Variants in GPC6 observed in about 807,000 individuals in gnomAD.
GPC6 encodes glypican-6.
Under a neutral mutation model 55.2 loss-of-function variants are expected in GPC6, and 14 were observed. The ratio of observed to expected loss-of-function variants is 0.25; its 90% confidence interval spans 0.17 to 0.40. The LOEUF (loss-of-function observed/expected upper bound fraction) is 0.40. GPC6 is among the 10% of genes least tolerant of loss of function. The pLI is 1.00. For synonymous variants in GPC6, 278 were observed against 259.6 expected (o/e 1.07, Z -0.68); for missense variants, 641 against 708.5 (o/e 0.90, Z 1.08).
intron 3 of GPC6, among the ~76,000 whole-genome samples, chr13:93,924,633 C>G: frequency 6.6e-6 from 1 of 150,500 alleles, no homozygotes; most frequent in Non-Finnish European, 1.5e-5. Context: ...TAAATACCTT[C>G]TTTGACTTCG....
intron 2 of GPC6, among the ~76,000 whole-genome samples, chr13:93,804,770 A>C (rs978006721): frequency 6.6e-6 from 1 of 152,126 alleles, no homozygotes; most frequent in Admixed American, 6.6e-5. Flanking sequence ...CTAGTTTCCT[A>C]CTATGCTGCA....
intron 2 of GPC6, among the ~76,000 whole-genome samples, chr13:93,572,358 A>C (rs779491178): frequency 6.6e-6 from 1 of 152,136 alleles, no homozygotes; most frequent in Non-Finnish European, 1.5e-5. Flanking sequence ...CTTGGGGATA[A>C]AATGAAACAA....
chr13:93,605,018 G>C lies in GPC6; in HGVS notation c.319+59597G>C, dbSNP rs1398547583. ...CCTGCTATGCTGCAATTGCTTCATGGGGAAAAGAAGAAATGGCAATCCTAA... is the reference window on the plus strand; with the variant it reads ...CCTGCTATGCTGCAATTGCTTCATGCGGAAAAGAAGAAATGGCAATCCTAA... On this transcript the variant is annotated intron_variant, in intron 2 of 8. Transcript: ENST00000377047. Among the ~76,000 whole-genome samples, 4 of 152,208 alleles carry C rather than the reference G, an allele frequency of 2.6e-5. No homozygotes were observed. The South Asian group carries it at 6.2e-4, about 24-fold the overall frequency.
At chr13:93,434,601 A>G (rs940217335) in intron 1 of GPC6, among the ~76,000 whole-genome samples, 1 of 152,116 alleles carries the variant, frequency 6.6e-6, no homozygotes, top group African/African-American at 2.4e-5. Context: ...TTCTCTTAAT[A>G]TCTGTTCTGT....
chr13:94,247,918 C>A (rs1891244557), intron 4 of GPC6, among the ~76,000 whole-genome samples: 1 of 151,896 alleles, frequency 6.6e-6, no homozygotes, highest in African/African-American at 2.4e-5. Flanking sequence ...TGCATTGCAG[C>A]CTTAAACTTC....
At chr13:93,306,915 G>A (rs1322459532) in intron 1 of GPC6, among the ~76,000 whole-genome samples, 1 of 151,950 alleles carries the variant, frequency 6.6e-6, no homozygotes, top group African/African-American at 2.4e-5. Flanking sequence ...GTTCCAATAG[G>A]GTAGGGAGCA....
Position 93,572,643 on chromosome 13 carries a change from A to G in GPC6, c.319+27222A>G, listed in dbSNP as rs775441866. Among the ~76,000 whole-genome samples the G allele has an allele frequency of 2.2e-4, 34 of 152,326 alleles. 2 individuals are homozygous for G. The Middle Eastern group carries it at 0.034, about 152-fold the overall frequency. On this transcript the variant is annotated intron_variant, in intron 2 of 8. Coordinates refer to ENST00000377047, the MANE Select transcript of GPC6 (RefSeq NM_005708.5). Reference sequence around the variant, plus strand: ...ATTATTCCATAGAAAAATAAAAACTATAGAAGGATATAAATTCTCAGAGAT... The same window carrying G: ...ATTATTCCATAGAAAAATAAAAACTGTAGAAGGATATAAATTCTCAGAGAT...
intron 1 of GPC6, among the ~76,000 whole-genome samples, chr13:93,426,171 T>A (rs146706660): frequency 1.3e-5 from 2 of 152,336 alleles, no homozygotes; most frequent in East Asian, 3.9e-4. Context: ...TAACAGAAAC[T>A]GTTTAGATGA....
At chr13:93,787,332 A>C (rs1885844623) in intron 2 of GPC6, among the ~76,000 whole-genome samples, 1 of 152,194 alleles carries the variant, frequency 6.6e-6, no homozygotes, top group South Asian at 2.1e-4. Context: ...TGTTATGACT[A>C]TTCAGCTCTG....
rs377524211 is a variant in GPC6, at chr13:93,516,036, A to G, written c.161-29227A>G. 1.8e-4 allele frequency among the ~76,000 whole-genome samples: 27 copies of G among 152,296 alleles called. No homozygotes were observed. In the South Asian group the frequency reaches 2.9e-3, roughly 16 times the overall value. The stretch of plus-strand genomic sequence containing the variant: ...TATCAAAATCCATTTAGAGATCGAC[A>G]GCTTTTCTTGCAACATTGGTGAAAG... On this transcript the variant is annotated intron_variant, in intron 1 of 8. Coordinates refer to ENST00000377047, the MANE Select transcript of GPC6 (RefSeq NM_005708.5).
At chr13:93,776,648 C>T (rs1020447817) in intron 2 of GPC6, among the ~76,000 whole-genome samples, 1 of 152,092 alleles carries the variant, frequency 6.6e-6, no homozygotes, top group Non-Finnish European at 1.5e-5. Flanking sequence ...TCTTTTAAAG[C>T]CAGCACAAAT....
At position 94,155,332 on chromosome 13, in the gene GPC6, C is replaced by T. The variant is rs569518044; in HGVS notation, c.877+127438C>T. Among the ~76,000 whole-genome samples, 7 of 152,238 alleles carry T rather than the reference C, an allele frequency of 4.6e-5. No homozygotes were observed. In the South Asian group the frequency reaches 1.0e-3, roughly 23 times the overall value. On this transcript the variant is annotated intron_variant, in intron 4 of 8. Transcript: ENST00000377047. Reference sequence around the variant, plus strand: ...GTTATCATCTGGATTCTGCTCTCTCCTACACCTTTTAAATACCACTGAGCA... The same window carrying T: ...GTTATCATCTGGATTCTGCTCTCTCTTACACCTTTTAAATACCACTGAGCA...
chr13:94,341,086 G>A (rs1488484491), intron 6 of GPC6, among the ~76,000 whole-genome samples: 1 of 152,142 alleles, frequency 6.6e-6, no homozygotes, highest in East Asian at 1.9e-4. Flanking sequence ...ATTATTGAAC[G>A]ACAAGATAAA....
At chr13:93,850,114 C>G (rs1046976929) in intron 3 of GPC6, among the ~76,000 whole-genome samples, 6 of 152,016 alleles carry the variant, frequency 3.9e-5, no homozygotes, top group African/African-American at 1.4e-4. Flanking sequence ...TATGAGAAAT[C>G]TTTGAAAACA....
chr13:93,751,825 T>C (rs1884603493), intron 2 of GPC6, among the ~76,000 whole-genome samples: 1 of 152,182 alleles, frequency 6.6e-6, no homozygotes, highest in Non-Finnish European at 1.5e-5. Context: ...ACTATGCTTT[T>C]AGTGGAAGGA....
intron 2 of GPC6, chr13:93,818,789 G>A (rs1886948747): frequency 6.6e-6 from 1 of 152,166 alleles, no homozygotes; most frequent in Admixed American, 6.6e-5. Context: ...CTGTCTACAG[G>A]GAGTAAAGAG....
chr13:93,607,561 G>A (rs999329106), intron 2 of GPC6, among the ~76,000 whole-genome samples: 5 of 152,174 alleles, frequency 3.3e-5, no homozygotes, highest in African/African-American at 1.2e-4. Context: ...TCATTACTGA[G>A]TATCTCTCTA....
intron 4 of GPC6, among the ~76,000 whole-genome samples, chr13:94,048,111 A>C (rs1883796812): frequency 6.6e-6 from 1 of 152,114 alleles, no homozygotes; most frequent in African/African-American, 2.4e-5. Context: ...ACAGGAAGAA[A>C]AGAAAGATAC....
Position 93,885,498 on chromosome 13 carries a change from G to A in GPC6, c.711+54953G>A, listed in dbSNP as rs867072664. Among the ~76,000 whole-genome samples, 98 of 151,456 alleles carry A rather than the reference G, an allele frequency of 6.5e-4. No homozygotes were observed. The Middle Eastern group carries it at 0.01, about 16-fold the overall frequency. Reference sequence around the variant, plus strand: ...GAAGCAGGAGAAAAAAAGAAAATACGAGAGATTCAAGGCCCTGGAAAAAAA... The same window carrying A: ...GAAGCAGGAGAAAAAAAGAAAATACAAGAGATTCAAGGCCCTGGAAAAAAA... On this transcript the variant is annotated intron_variant, in intron 3 of 8. Coordinates refer to ENST00000377047, the MANE Select transcript of GPC6 (RefSeq NM_005708.5).
Sources: gnomAD v4.1 joint callset for allele counts (sites outside exome capture counted in the v4.1 genomes callset) on GRCh38, gnomAD v4.1.1 for gene constraint, MANE v1.5 for transcripts, NCBI Gene and HGNC (gene_info 2026-07-23, HGNC 2026-07-21) for gene names.